ELN: variants seen among roughly 807,000 people sequenced by gnomAD.
ELN encodes elastin, also known as tropoelastin.
A neutral mutation model predicts 105.8 loss-of-function variants in ELN; 65 were observed. The observed-to-expected ratio is 0.61, with a 90% CI of 0.50 to 0.75. ELN has a LOEUF of 0.75. Among genes scored for constraint, ELN ranks in the 30% least tolerant of loss-of-function variants. ELN has a pLI of 0.00. For missense variants in ELN, 882 were observed against 969.4 expected (o/e 0.91, Z 1.20); for synonymous variants, 368 against 389.2 (o/e 0.95, Z 0.64).
At chr7:74,045,825 G>A in intron 10 of ELN, 1 of 322,428 alleles carries the variant, frequency 3.1e-6, no homozygotes, top group Admixed American at 4.4e-5. Flanking sequence ...GAGGTGGGCG[G>A]ATCACCTGAG....
intron 31 of ELN, 118 bp from the exon 32 acceptor site, chr7:74,066,614 G>A: frequency 1.2e-6 from 1 of 827,174 alleles, no homozygotes; most frequent in Non-Finnish European, 2.1e-6. Flanking sequence ...TAGTGGGGGG[G>A]ATGGAGAGGA....
chr7:74,058,907 C>G (rs560057249), intron 22 of ELN, among the ~76,000 whole-genome samples: 1 of 152,250 alleles, frequency 6.6e-6, no homozygotes, highest in East Asian at 1.9e-4. Flanking sequence ...GCCCCATATT[C>G]TCACACACAG....
chr7:74,057,808 C>T, intron 22 of ELN, 112 bp downstream of exon 22: 2 of 1,278,956 alleles, frequency 1.6e-6, no homozygotes, highest in Non-Finnish European at 1.1e-6. Context: ...CTTAAGCTGT[C>T]ACATTCTGGG....
intron 1 of ELN, among the ~76,000 whole-genome samples, chr7:74,032,842 G>C (rs1789011213): frequency 6.6e-6 from 1 of 152,218 alleles, no homozygotes; most frequent in African/African-American, 2.4e-5. Flanking sequence ...AAACAGGTTA[G>C]AGCTGGATTC....
chr7:74,063,805 C>T lies in ELN; in HGVS notation c.1993+110C>T, dbSNP rs1797273014. On this transcript the variant is annotated intron_variant, in intron 29 of 32. Transcript: ENST00000252034. This position sits in a 1 kb window ranked among gnomAD's most constrained non-coding sequence, Gnocchi z 4.1. ...CGTTCCCACCCCTGGCACGTCTTTG[C>T]TCAAGATGTCCTCTTGGCCAGGTGC... 1.4e-6 allele frequency: 2 copies of T among 1,466,130 alleles called. No homozygotes were observed. The highest frequency in any genetic ancestry group is 1.4e-5 in the African/African-American group (1 of 72,014). The allele number at this position is 1,466,130 out of a possible 1,614,324, so 90.8% of individuals were successfully genotyped here. A position where few individuals can be genotyped will look rare whatever the true frequency, so the allele number is the denominator to read the frequency against.
chr7:74,053,978 ATGGG>A (rs1794713700), intron 18 of ELN, among the ~76,000 whole-genome samples: 1 of 151,862 alleles, frequency 6.6e-6, no homozygotes, highest in Admixed American at 6.6e-5. Context: ...GAATGGGTAG[ATGGG>A]TGGATGAATG....
chr7:74,042,464 A>G, intron 5 of ELN, 150 bp from the exon 6 acceptor site: 2 of 686,862 alleles, frequency 2.9e-6, no homozygotes, highest in African/African-American at 1.8e-5. Context: ...AGCAGTGCTC[A>G]CATGGATGTC....
At chr7:74,052,916 GAAAGA>G (rs1248601454) in intron 17 of ELN, 9 of 566,192 alleles carry the variant, frequency 1.6e-5, no homozygotes, top group East Asian at 6.0e-5. Context: ...AGAAAGGAAG[GAAAGA>G]AAAGAAAAGA....
rs137953195 is a variant in ELN at position 74,042,986 on chromosome 7, G to T, written c.328G>T (p.Ala110Ser). 2.7e-5 allele frequency: 44 copies of T among 1,614,012 alleles called. No homozygotes were observed. The highest frequency in any genetic ancestry group is 3.6e-5 in the Non-Finnish European group (42 of 1,180,040). Residue 110 changes from alanine to serine, a missense_variant and splice_region_variant, in exon 7 of 33, where the codon GCT (alanine) becomes TCT (serine). Ala to Ser is a moderately conservative substitution (Grantham distance 99). Coordinates refer to ENST00000252034, the MANE Select transcript of ELN (RefSeq NM_000501.4). ...CCTCACCTGTCCTGGCTCTGCAGGC[G>T]CTGGGCTTGGTGGTGTCCCAGGAGT... ...AAAYKAAKAGAGLGGVPGVGG... is the reference protein window; with the variant it reads ...AAAYKAAKAGSGLGGVPGVGG...
intron 10 of ELN, chr7:74,045,805 T>C (rs1792337656): frequency 3.2e-6 from 1 of 307,804 alleles, no homozygotes; most frequent in Non-Finnish European, 6.2e-6. Context: ...TCCCAGCACT[T>C]TGGGAGGCCG....
chr7:74,059,939 G>A lies in ELN; in HGVS notation c.1468G>A (p.Gly490Ser), dbSNP rs200557183. Reference protein sequence around the residue: ...APGVGVAPGVGVAPGVGLAPG... With the variant: ...APGVGVAPGVSVAPGVGLAPG... The stretch of plus-strand genomic sequence containing the variant: ...TGGAGTTGGCGTGGCTCCTGGTGTC[G>A]GTGTGGCTCCTGGAGTTGGCTTGGC... Residue 490 changes from glycine (G) to serine (S), a missense_variant, in exon 23 of 33, where the codon GGT (glycine) becomes AGT (serine). By Grantham distance (56) the Gly-to-Ser change is moderately conservative. Transcript: ENST00000252034. 1.2e-5 allele frequency: 20 copies of A among 1,603,312 alleles called. No homozygotes were observed. Among genetic ancestry groups the A allele is most frequent in the Admixed American group, 6.7e-5 (4 of 59,964 alleles).
chr7:74,063,745 A>G lies in ELN; in HGVS notation c.1993+50A>G. 6.2e-7 allele frequency: 1 copy of G among 1,610,646 alleles called. No homozygotes were observed. The highest frequency in any genetic ancestry group is 8.5e-7 in the Non-Finnish European group (1 of 1,177,036). On this transcript the variant is annotated intron_variant, in intron 29 of 32. Coordinates refer to ENST00000252034, the MANE Select transcript of ELN (RefSeq NM_000501.4). This position sits in a 1 kb window ranked among gnomAD's most constrained non-coding sequence, Gnocchi z 4.1. ...AGTGTGTGTGGTGTGTGTATGCGAG[A>G]CAGAGATGGAGACAGAGACAGAGAC...
chr7:74,038,178 G>A, intron 4 of ELN: 1 of 285,318 alleles, frequency 3.5e-6, no homozygotes, highest in South Asian at 3.6e-5. Flanking sequence ...CTTGACCCCA[G>A]ACCAATACCC....
At chr7:74,038,932 A>G (rs1210830655) in intron 4 of ELN, among the ~76,000 whole-genome samples, 2 of 152,178 alleles carry the variant, frequency 1.3e-5, no homozygotes, top group African/African-American at 2.4e-5. Flanking sequence ...GGAGCTTGCC[A>G]CTTATCCCCG....
intron 19 of ELN, among the ~76,000 whole-genome samples, chr7:74,055,104 C>T (rs1434895580): frequency 2.6e-5 from 4 of 152,170 alleles, no homozygotes; most frequent in Non-Finnish European, 5.9e-5. Flanking sequence ...GGGGTCTTCC[C>T]GAAGTGCTCA....
chr7:74,048,636 C>A, intron 15 of ELN, 80 bp downstream of exon 15: 1 of 1,565,834 alleles, frequency 6.4e-7, no homozygotes, highest in Non-Finnish European at 8.7e-7. Flanking sequence ...CAGCCTGCCT[C>A]CAAAGTGGCC....
At position 74,069,564 on chromosome 7, in the gene ELN, A is replaced by AC. The variant is rs1265982082; in HGVS notation, c.*870dup. ...GGTGTCCCCACATGCAGTACTGTATACCCCCCATCCCTCCCTCGGTCCACT... is the reference window on the plus strand; with the variant it reads ...GGTGTCCCCACATGCAGTACTGTATACCCCCCCATCCCTCCCTCGGTCCACT... On this transcript the variant is annotated 3_prime_UTR_variant, in exon 33 of 33. Transcript: ENST00000252034. The AC allele has an allele frequency of 8.6e-6, 2 of 232,358 alleles. No homozygotes were observed. Among genetic ancestry groups the AC allele is most frequent in the East Asian group, 6.0e-5 (1 of 16,536 alleles). The allele number at this position is 232,358 out of a possible 1,614,324, so 14.4% of individuals were successfully genotyped here.
intron 15 of ELN, among the ~76,000 whole-genome samples, chr7:74,051,143 C>G (rs940214779): frequency 1.3e-5 from 2 of 152,152 alleles, no homozygotes; most frequent in Non-Finnish European, 2.9e-5. Flanking sequence ...CAGGGTCAGA[C>G]CACTAGGGCT....
At chr7:74,047,767 G>T (rs782632551) in intron 13 of ELN, 51 bp downstream of exon 13, 1 of 1,613,364 alleles carries the variant, frequency 6.2e-7, no homozygotes, top group East Asian at 2.2e-5. Context: ...CCCTCTCCAG[G>T]GTCCTAGCAA....
Sources: gnomAD v4.1 joint callset for allele counts (sites outside exome capture counted in the v4.1 genomes callset) on GRCh38, gnomAD v4.1.1 for gene constraint, Gnocchi (gnomAD v3.1) non-coding constraint, MANE v1.5 for transcripts, NCBI Gene and HGNC (gene_info 2026-07-23, HGNC 2026-07-21) for gene names.